SLC35F3: variants seen among roughly 807,000 people sequenced by gnomAD.
SLC35F3 encodes putative thiamine transporter SLC35F3.
A neutral mutation model predicts 49.9 loss-of-function variants in SLC35F3; 25 were observed. That is an observed-to-expected ratio of 0.50 (90% confidence interval 0.37 to 0.70). SLC35F3 has a LOEUF of 0.70. Among genes scored for constraint, SLC35F3 ranks in the 30% least tolerant of loss-of-function variants. The pLI is 0.00. For missense variants in SLC35F3, 525 were observed against 639.8 expected (o/e 0.82, Z 1.94); for synonymous variants, 275 against 265.4 (o/e 1.04, Z -0.35).
At position 234,082,222 on chromosome 1, in the gene SLC35F3, G is replaced by A. The variant is rs16842522; in HGVS notation, c.284-149195G>A. 9.0e-3 allele frequency among the ~76,000 whole-genome samples: 1,366 copies of A among 152,172 alleles called. 19 individuals are homozygous for A. The highest frequency in any genetic ancestry group is 0.032 in the African/African-American group (1,312 of 41,506). ...TGTAGATCAGTTTTCTGCGGTTCAT[G>A]TTATCTCCTCTGTTTCCTCTGTAAT... On this transcript the variant is annotated intron_variant, in intron 2 of 7. Coordinates refer to ENST00000366618, the MANE Select transcript of SLC35F3 (RefSeq NM_173508.4).
intron 2 of SLC35F3, among the ~76,000 whole-genome samples, chr1:234,106,738 AC>A (rs1469158362): frequency 1.3e-5 from 2 of 152,164 alleles, no homozygotes; most frequent in Non-Finnish European, 2.9e-5. Flanking sequence ...AGTCCATAGC[AC>A]CTGCCCCTTT....
chr1:234,012,567 A>C (rs1225594971), intron 2 of SLC35F3, among the ~76,000 whole-genome samples: 2 of 152,194 alleles, frequency 1.3e-5, no homozygotes, highest in Non-Finnish European at 2.9e-5. Flanking sequence ...GATGACTTTT[A>C]CCAAGCATAC....
intron 2 of SLC35F3, among the ~76,000 whole-genome samples, chr1:234,072,026 G>C (rs926464148): frequency 6.6e-6 from 1 of 152,230 alleles, no homozygotes; most frequent in Non-Finnish European, 1.5e-5. Flanking sequence ...CAATGTAGCT[G>C]AGTGGAAATA....
intron 2 of SLC35F3, among the ~76,000 whole-genome samples, chr1:233,919,340 TC>T (rs1270385910): frequency 1.3e-5 from 2 of 152,088 alleles, no homozygotes; most frequent in African/African-American, 4.8e-5. Flanking sequence ...TAGGACAGAG[TC>T]CACCTTGGTT....
intron 3 of SLC35F3, among the ~76,000 whole-genome samples, chr1:234,271,945 C>A (rs1668113870): frequency 6.6e-6 from 1 of 151,962 alleles, no homozygotes; most frequent in Non-Finnish European, 1.5e-5. Context: ...GACAACATGG[C>A]AAAACCCCGT....
intron 3 of SLC35F3, among the ~76,000 whole-genome samples, chr1:234,256,642 C>T (rs1196730979): frequency 2.0e-5 from 3 of 152,222 alleles, no homozygotes; most frequent in Admixed American, 2.0e-4. Flanking sequence ...TTTGTATCCT[C>T]TGCTTCACCT....
At chr1:233,961,239 C>G (rs757338013) in intron 2 of SLC35F3, among the ~76,000 whole-genome samples, 1 of 152,048 alleles carries the variant, frequency 6.6e-6, no homozygotes, top group East Asian at 1.9e-4. Flanking sequence ...TTGAAAAAAC[C>G]TGTGAAGGCA....
At chr1:233,905,155 G>A (rs1661751180) in intron 1 of SLC35F3, 25 bp downstream of exon 1, 31 of 1,550,472 alleles carry the variant, frequency 2.0e-5, no homozygotes, top group Non-Finnish European at 2.7e-5. Flanking sequence ...GGGCGTGGGT[G>A]AGCGAGCCGG....
At chr1:234,256,367 A>G (rs937273308) in intron 3 of SLC35F3, among the ~76,000 whole-genome samples, 1 of 152,070 alleles carries the variant, frequency 6.6e-6, no homozygotes, top group East Asian at 1.9e-4. Flanking sequence ...GGCCAAGAGG[A>G]CCCCAGAAGA....
At chr1:233,950,049 C>G (rs1211914614) in intron 2 of SLC35F3, among the ~76,000 whole-genome samples, 1 of 152,050 alleles carries the variant, frequency 6.6e-6, no homozygotes, top group Non-Finnish European at 1.5e-5. Context: ...TGGGCACCAG[C>G]ACTTTTGGAC....
In SLC35F3 at chr1:234,122,270, T is replaced by C. The variant is rs530031504; in HGVS notation, c.284-109147T>C. On this transcript the variant is annotated intron_variant, in intron 2 of 7. Transcript: ENST00000366618. ...GTTAATCAAAAGCATTCATGTGTTGTAATGATACATCTGAAAACTTTGACG... is the reference window on the plus strand; with the variant it reads ...GTTAATCAAAAGCATTCATGTGTTGCAATGATACATCTGAAAACTTTGACG... Among the ~76,000 whole-genome samples the C allele has an allele frequency of 7.2e-5, 11 of 152,384 alleles. No homozygotes were observed. In the South Asian group the frequency reaches 2.3e-3, roughly 32 times the overall value.
chr1:234,069,138 T>C (rs1664674472), intron 2 of SLC35F3, among the ~76,000 whole-genome samples: 1 of 131,342 alleles, frequency 7.6e-6, no homozygotes, highest in African/African-American at 2.9e-5. Flanking sequence ...AAATATATAA[T>C]ATATAATATA....
chr1:233,999,521 C>T (rs1274169364), intron 2 of SLC35F3, among the ~76,000 whole-genome samples: 1 of 152,156 alleles, frequency 6.6e-6, no homozygotes, highest in Non-Finnish European at 1.5e-5. Context: ...TTCTGCTTTG[C>T]CGGACTGTTT....
intron 2 of SLC35F3, among the ~76,000 whole-genome samples, chr1:234,149,184 T>C (rs1666037125): frequency 6.6e-6 from 1 of 152,166 alleles, no homozygotes; most frequent in South Asian, 2.1e-4. Context: ...CAGGGTTCCC[T>C]CTCTGCTGTT....
At chr1:234,110,358 C>A (rs1665388093) in intron 2 of SLC35F3, among the ~76,000 whole-genome samples, 1 of 152,312 alleles carries the variant, frequency 6.6e-6, no homozygotes, top group Middle Eastern at 3.4e-3. Flanking sequence ...GACACTCACA[C>A]CGGTTCTCAA....
chr1:234,146,702 C>T (rs538992326), intron 2 of SLC35F3, among the ~76,000 whole-genome samples: 85 of 151,800 alleles, frequency 5.6e-4, no homozygotes, highest in African/African-American at 1.8e-3. Flanking sequence ...TTAGTAGAGA[C>T]GGGGTTTCTC....
At chr1:233,911,128 G>A (rs1346587704) in intron 2 of SLC35F3, among the ~76,000 whole-genome samples, 1 of 152,186 alleles carries the variant, frequency 6.6e-6, no homozygotes, top group Non-Finnish European at 1.5e-5. Context: ...TGAGGGGGAA[G>A]GGCTCATGGA....
chr1:234,299,678 G>A (rs892511900), intron 3 of SLC35F3, among the ~76,000 whole-genome samples: 4 of 151,664 alleles, frequency 2.6e-5, no homozygotes, highest in Admixed American at 1.3e-4. Context: ...GGTGGCAGGC[G>A]CCTGTAGTCC....
intron 3 of SLC35F3, among the ~76,000 whole-genome samples, chr1:234,236,914 T>C (rs1257435535): frequency 9.3e-6 from 1 of 107,924 alleles, no homozygotes; most frequent in Non-Finnish European, 1.9e-5. Flanking sequence ...AGTCTCCTAT[T>C]AAAAAAAAAA....
Sources: allele counts gnomAD v4.1 joint callset (sites outside exome capture counted in the v4.1 genomes callset), GRCh38; gene constraint gnomAD v4.1.1; transcripts MANE v1.5; gene names NCBI Gene and HGNC (gene_info 2026-07-23, HGNC 2026-07-21).